MYO5A: variants seen among roughly 807,000 people sequenced by gnomAD.
MYO5A encodes myosin VA, also known as unconventional myosin-Va.
A neutral mutation model predicts 249.7 loss-of-function variants in MYO5A; 98 were observed. The ratio of observed to expected loss-of-function variants is 0.39; its 90% CI spans 0.33 to 0.46. MYO5A has a LOEUF of 0.46. Among genes scored for constraint, MYO5A ranks in the 20% least tolerant of loss-of-function variants. The pLI is 0.98. For synonymous variants in MYO5A, 778 were observed against 810.6 expected (o/e 0.96, Z 0.68); for missense variants, 1,696 against 2,308.8 (o/e 0.73, Z 5.44).
chr15:52,381,775 C>CTG (rs1567071714), intron 16 of MYO5A, among the ~76,000 whole-genome samples: 3 of 95,678 alleles, frequency 3.1e-5, no homozygotes. Context: ...CTCTCTCTCT[C>CTG]TCTCTCTCAC....
At chr15:52,363,735 G>C (rs2040659326) in intron 24 of MYO5A, among the ~76,000 whole-genome samples, 1 of 152,154 alleles carries the variant, frequency 6.6e-6, no homozygotes, top group Non-Finnish European at 1.5e-5. Flanking sequence ...GGAACTCTTT[G>C]TTTCCTGATA....
intron 14 of MYO5A, among the ~76,000 whole-genome samples, chr15:52,385,779 C>T (rs1345348147): frequency 6.6e-6 from 1 of 152,116 alleles, no homozygotes; most frequent in African/African-American, 2.4e-5. Flanking sequence ...CTATCAGATG[C>T]AGTGAAATTA....
chr15:52,497,068 T>G (rs2077052722), intron 1 of MYO5A, among the ~76,000 whole-genome samples: 1 of 152,152 alleles, frequency 6.6e-6, no homozygotes, highest in Non-Finnish European at 1.5e-5. Flanking sequence ...CTCAAGCGAT[T>G]CTCCCACCTC....
chr15:52,463,286 C>T (rs1168184247), intron 1 of MYO5A, among the ~76,000 whole-genome samples: 1 of 152,174 alleles, frequency 6.6e-6, no homozygotes, highest in Non-Finnish European at 1.5e-5. Context: ...TCAAGATGGA[C>T]TTCTCTAGAA....
In MYO5A at chr15:52,517,752, A is replaced by G. The variant is rs181135795; in HGVS notation, c.27+11028T>C. Among the ~76,000 whole-genome samples, 7 of 152,296 alleles carry G rather than the reference A, an allele frequency of 4.6e-5. No individual in the cohort carries two copies. The East Asian group carries it at 1.3e-3, about 29-fold the overall frequency. On this transcript the variant is annotated intron_variant, in intron 1 of 41. Coordinates refer to ENST00000399233, the MANE Select transcript of MYO5A (RefSeq NM_001382347.1). ...AGATATATTTTTTCAACGAATATTT[A>G]TTGATATAAATTCTCACAATACATA... is the stretch of plus-strand genomic sequence containing the variant.
At chr15:52,428,362 A>G (rs1394596946) in intron 3 of MYO5A, 36 bp downstream of exon 3, 3 of 1,586,436 alleles carry the variant, frequency 1.9e-6, no homozygotes, top group Non-Finnish European at 2.6e-6. Flanking sequence ...TAGAGGAAAG[A>G]GTCCACAGTC....
chr15:52,497,489 G>A (rs957094787), intron 1 of MYO5A, among the ~76,000 whole-genome samples: 17 of 151,132 alleles, frequency 1.1e-4, no homozygotes, highest in African/African-American at 3.9e-4. Context: ...GGGTGCGGTG[G>A]CTCACATCTG....
intron 11 of MYO5A, among the ~76,000 whole-genome samples, chr15:52,394,549 G>C (rs953132517): frequency 2.0e-5 from 3 of 152,288 alleles, no homozygotes; most frequent in African/African-American, 7.2e-5. Flanking sequence ...AGGAAGAGGG[G>C]GCAGAGCAGT....
chr15:52,351,345 G>T lies in MYO5A; in HGVS notation c.3758C>A (p.Thr1253Asn). 1 of 1,614,196 alleles carries T rather than the reference G, an allele frequency of 6.2e-7. No homozygotes were observed. Among genetic ancestry groups the T allele is most frequent in the East Asian group, 2.2e-5 (1 of 44,886 alleles). ...GACATCAAGCTCCTCGCTCACAGAGGTCAGCTGCTCCATGAGGACACGGTA... is the reference window on the plus strand; with the variant it reads ...GACATCAAGCTCCTCGCTCACAGAGTTCAGCTGCTCCATGAGGACACGGTA... ...PAYRVLMEQLTSVSEELDVRK... is the reference protein window; with the variant it reads ...PAYRVLMEQLNSVSEELDVRK... Residue 1253 changes from threonine to asparagine, a missense_variant, in exon 28 of 42, where the codon ACC (threonine) becomes AAC (asparagine). Thr to Asn is a moderately conservative substitution (Grantham distance 65, BLOSUM62 0). Transcript: ENST00000399233.
chr15:52,408,765 A>T (rs2043121241), intron 6 of MYO5A, among the ~76,000 whole-genome samples: 1 of 152,218 alleles, frequency 6.6e-6, no homozygotes, highest in East Asian at 1.9e-4. Context: ...TCATACACCT[A>T]ATAGTTTATC....
chr15:52,444,997 C>T lies in MYO5A; in HGVS notation c.28-11712G>A, dbSNP rs1203548017. ...GGTGCCGGTATGTATTTCCCTCCCA[C>T]TTATAACAGGCAGCTCCCTTTGTGT... On this transcript the variant is annotated intron_variant, in intron 1 of 41. Coordinates refer to ENST00000399233, the MANE Select transcript of MYO5A (RefSeq NM_001382347.1). Among the ~76,000 whole-genome samples, 3 of 152,214 alleles carry T rather than the reference C, an allele frequency of 2.0e-5. No individual in the cohort carries two copies. The South Asian group carries it at 6.2e-4, about 32-fold the overall frequency.
At chr15:52,365,987 T>C (rs2040786779) in intron 23 of MYO5A, among the ~76,000 whole-genome samples, 1 of 152,178 alleles carries the variant, frequency 6.6e-6, no homozygotes, top group Non-Finnish European at 1.5e-5. Flanking sequence ...TCCTTTTCTT[T>C]ACCTCATCCC....
intron 1 of MYO5A, among the ~76,000 whole-genome samples, chr15:52,502,489 G>C (rs1480240973): frequency 6.6e-6 from 1 of 152,106 alleles, no homozygotes; most frequent in Non-Finnish European, 1.5e-5. Flanking sequence ...TTGCAGACTT[G>C]CCATATTTAC....
At chr15:52,507,803 C>CAAAAAAAAAAAAAA (rs146846192) in intron 1 of MYO5A, among the ~76,000 whole-genome samples, 2,131 of 126,040 alleles carry the variant, frequency 0.017, 107 homozygotes, top group Non-Finnish European at 0.024. Context: ...GACCCTGTCC[C>CAAAAAAAAAAAAAA]CAAAAAAAAA....
chr15:52,439,823 C>T (rs549585478), intron 1 of MYO5A, among the ~76,000 whole-genome samples: 19 of 151,976 alleles, frequency 1.3e-4, no homozygotes, highest in African/African-American at 3.6e-4. Context: ...AAAGAAAAAA[C>T]CTAGGGAGGG....
rs1290986806 is a variant in MYO5A at position 52,309,711 on chromosome 15, A to G, written c.*3985T>C. ...GCCGCAGGAAAGCATATCTGGACCC[A>G]GGTACTGTTTCTGCATTACTTTCAA... On this transcript the variant is annotated 3_prime_UTR_variant, in exon 42 of 42. Coordinates refer to ENST00000399233, the MANE Select transcript of MYO5A (RefSeq NM_001382347.1). The G allele has an allele frequency of 6.6e-6, 1 of 152,266 alleles. No individual in the cohort carries two copies. Among genetic ancestry groups the G allele is most frequent in the African/African-American group, 2.4e-5 (1 of 41,460 alleles). The allele number at this position is 152,266 out of a possible 1,614,324, so 9.4% of individuals were successfully genotyped here.
At chr15:52,520,390 C>T (rs538631159) in intron 1 of MYO5A, among the ~76,000 whole-genome samples, 1 of 152,304 alleles carries the variant, frequency 6.6e-6, no homozygotes, top group African/African-American at 2.4e-5. Flanking sequence ...AGGCACATGA[C>T]CAGAATTCCT....
At chr15:52,407,490 A>G in intron 7 of MYO5A, 91 bp from the exon 8 acceptor site, 3 of 830,494 alleles carry the variant, frequency 3.6e-6, no homozygotes, top group Non-Finnish European at 6.2e-6. Context: ...TGGTGATAGC[A>G]CAGTTGAGTG....
intron 1 of MYO5A, among the ~76,000 whole-genome samples, chr15:52,492,637 A>G (rs2076956939): frequency 6.6e-6 from 1 of 152,266 alleles, no homozygotes; most frequent in Admixed American, 6.5e-5. Flanking sequence ...GATGCTCGCC[A>G]AGGGCCAACC....
Sources: gnomAD v4.1 joint callset for allele counts (sites outside exome capture counted in the v4.1 genomes callset) on GRCh38, gnomAD v4.1.1 for gene constraint, MANE v1.5 for transcripts, NCBI Gene and HGNC (gene_info 2026-07-23, HGNC 2026-07-21) for gene names.